PHF20: variants seen among roughly 807,000 people sequenced by gnomAD.
PHF20 encodes glioma-expressed antigen 2.
Under a neutral mutation model 113.5 loss-of-function variants are expected in PHF20, and 23 were observed. That is an observed-to-expected ratio of 0.20 (90% confidence interval 0.15 to 0.29). The LOEUF is 0.29. Among genes scored for constraint, PHF20 ranks in the 10% least tolerant of loss-of-function variants. The pLI is 1.00. For synonymous variants in PHF20, 434 were observed against 457.3 expected (o/e 0.95, Z 0.65); for missense variants, 943 against 1,219.6 (o/e 0.77, Z 3.38).
chr20:35,789,574 T>C lies in PHF20; in HGVS notation c.-32-11917T>C, dbSNP rs557812513. ...TTCTTTTTCTTTTTTTGTGACGCAG[T>C]CTTGCTCTGTCTTCCAGGCTGGAGT... On this transcript the variant is annotated intron_variant, in intron 1 of 17. Transcript: ENST00000374012. 1.5e-4 allele frequency among the ~76,000 whole-genome samples: 23 copies of C among 152,252 alleles called. No individual in the cohort carries two copies. The South Asian group carries it at 4.8e-3, about 32-fold the overall frequency.
intron 4 of PHF20, chr20:35,853,339 G>C (rs2042773362): frequency 6.6e-6 from 1 of 152,146 alleles, no homozygotes; most frequent in South Asian, 2.1e-4. Flanking sequence ...CATCAATTGA[G>C]ATAACTCACT....
intron 2 of PHF20, among the ~76,000 whole-genome samples, chr20:35,806,342 G>T (rs1241451781): frequency 6.6e-6 from 1 of 150,576 alleles, no homozygotes; most frequent in Non-Finnish European, 1.5e-5. Flanking sequence ...TGTATTTTTA[G>T]TGGAGATGAG....
chr20:35,886,428 C>T (rs907161577), intron 9 of PHF20, among the ~76,000 whole-genome samples: 6 of 151,986 alleles, frequency 3.9e-5, no homozygotes, highest in South Asian at 4.2e-4. Context: ...GCCTGGCCTT[C>T]GCTAATCTTT....
At chr20:35,875,878 G>A (rs1443699632) in intron 9 of PHF20, among the ~76,000 whole-genome samples, 1 of 152,182 alleles carries the variant, frequency 6.6e-6, no homozygotes, top group East Asian at 1.9e-4. Context: ...TAAAGTTTAC[G>A]TATTTTATGG....
intron 1 of PHF20, among the ~76,000 whole-genome samples, chr20:35,773,078 C>G (rs1348731254): frequency 1.3e-5 from 2 of 152,198 alleles, no homozygotes; most frequent in South Asian, 2.1e-4. Flanking sequence ...TTCCCCAAAT[C>G]AAACTACCTT....
intron 2 of PHF20, among the ~76,000 whole-genome samples, chr20:35,827,277 T>C (rs200410144): frequency 0.1 from 15,300 of 152,188 alleles, 780 homozygotes; most frequent in South Asian, 0.15. Context: ...AATTTTCTGA[T>C]TCTTGAAGTA....
intron 3 of PHF20, among the ~76,000 whole-genome samples, 156 bp from the exon 4 acceptor site, chr20:35,847,194 G>A (rs1385402244): frequency 6.6e-6 from 1 of 152,094 alleles, no homozygotes; most frequent in Non-Finnish European, 1.5e-5. Flanking sequence ...AACTCCTAGT[G>A]TTGAACAACA....
rs1206500594 is a variant in PHF20 at position 35,939,108 on chromosome 20, G to A, written c.2712G>A (p.Lys904=). 3.8e-6 allele frequency: 6 copies of A among 1,595,158 alleles called. No individual in the cohort carries two copies. In the African/African-American group the frequency reaches 8.1e-5, roughly 21 times the overall value. ...GTGACCCCAAACCCGGCTCCCCAAA[G>A]GTATGTGGCTGCCTTGTACTTGTTC... ...GDSDPKPGSP[K]VKEYVSKKAL... is the part of the protein sequence containing the mutation. Residue 904 remains lysine (K), a splice_region_variant and synonymous_variant, in exon 16 of 18, where the codon AAG becomes AAA. Coordinates refer to ENST00000374012, the MANE Select transcript of PHF20 (RefSeq NM_016436.5).
intron 16 of PHF20, 67 bp from the exon 17 acceptor site, chr20:35,940,797 C>G: frequency 7.5e-7 from 1 of 1,339,588 alleles, no homozygotes; most frequent in Non-Finnish European, 1.0e-6. Context: ...GCTGGAAATG[C>G]TGGCTGGTTG....
chr20:35,844,413 TTTG>T (rs1320492729), intron 3 of PHF20, among the ~76,000 whole-genome samples: 1 of 143,400 alleles, frequency 7.0e-6, no homozygotes, highest in East Asian at 2.0e-4. Flanking sequence ...GTTTTTTTTT[TTTG>T]GTTTTTTTTT....
intron 2 of PHF20, among the ~76,000 whole-genome samples, chr20:35,819,079 C>T (rs1274076673): frequency 2.0e-5 from 3 of 151,976 alleles, no homozygotes; most frequent in East Asian, 1.9e-4. Context: ...TACAGGCATG[C>T]ACCACCACAC....
At chr20:35,876,937 T>C (rs753173180) in intron 9 of PHF20, among the ~76,000 whole-genome samples, 1 of 149,806 alleles carries the variant, frequency 6.7e-6, no homozygotes, top group Non-Finnish European at 1.5e-5. Flanking sequence ...AAACCCCGTC[T>C]CTACTAAAAA....
chr20:35,921,349 C>G (rs368410210), intron 13 of PHF20, among the ~76,000 whole-genome samples: 3 of 151,476 alleles, frequency 2.0e-5, no homozygotes, highest in East Asian at 1.9e-4. Flanking sequence ...ATTGTCCTAC[C>G]TTAAAAACAC....
At chr20:35,925,257 A>T (rs2055604253) in intron 13 of PHF20, among the ~76,000 whole-genome samples, 1 of 145,052 alleles carries the variant, frequency 6.9e-6, no homozygotes. Context: ...TATTTTATTG[A>T]GACTTTTTTT....
chr20:35,817,028 G>GATCC (rs1278875925), intron 2 of PHF20, among the ~76,000 whole-genome samples: 1 of 151,378 alleles, frequency 6.6e-6, no homozygotes, highest in African/African-American at 2.4e-5. Context: ...CTGATCTCAT[G>GATCC]ATCCACCCTC....
Position 35,863,294 on chromosome 20 carries a change from T to C in PHF20, c.702T>C (p.Asp234=), listed in dbSNP as rs1407990127. The stretch of plus-strand genomic sequence containing the variant: ...AAAATGACAGAGAGTATTCTGGAGA[T>C]GCCCAAGTGGATAAGAAACCTGAAA... ...ISENDREYSG[D]AQVDKKPEND... Residue 234 remains aspartate, a synonymous_variant, in exon 6 of 18, where the codon GAT becomes GAC. Transcript: ENST00000374012. The C allele has an allele frequency of 2.5e-6, 4 of 1,614,030 alleles. No homozygotes were observed. The African/African-American group carries it at 5.3e-5, about 22-fold the overall frequency.
At chr20:35,779,156 C>T (rs1056202243) in intron 1 of PHF20, among the ~76,000 whole-genome samples, 1 of 151,994 alleles carries the variant, frequency 6.6e-6, no homozygotes, top group African/African-American at 2.4e-5. Context: ...CTGCTTCAGC[C>T]TCCCAAGTAG....
intron 9 of PHF20, among the ~76,000 whole-genome samples, chr20:35,893,755 C>T (rs1915449416): frequency 6.6e-6 from 1 of 152,114 alleles, no homozygotes. Context: ...GCTGGGATTA[C>T]AGGCACCTGC....
chr20:35,903,103 T>C (rs2055135574), intron 10 of PHF20, among the ~76,000 whole-genome samples: 1 of 135,502 alleles, frequency 7.4e-6, no homozygotes, highest in Non-Finnish European at 1.6e-5. Flanking sequence ...TTTGAGTAAT[T>C]GATTTTCTAC....
Sources: allele counts gnomAD v4.1 joint callset (sites outside exome capture counted in the v4.1 genomes callset), GRCh38; gene constraint gnomAD v4.1.1; transcripts MANE v1.5; gene names NCBI Gene and HGNC (gene_info 2026-07-23, HGNC 2026-07-21).